NUP37: variants seen among roughly 807,000 people sequenced by gnomAD.
NUP37 encodes nucleoporin Nup37.
NUP37 carries 33 observed loss-of-function variants against 45.4 expected under a neutral mutation model. The observed-to-expected ratio is 0.73, with a 90% CI of 0.55 to 0.97. The LOEUF is 0.97. Among genes scored for constraint, NUP37 ranks in the 50% least tolerant of loss-of-function variants. The pLI, the probability that NUP37 is intolerant of heterozygous loss-of-function variation, is 0.00. For missense variants in NUP37, 365 were observed against 389.7 expected (o/e 0.94, Z 0.53); for synonymous variants, 127 against 130.7 (o/e 0.97, Z 0.19).
intron 5 of NUP37, among the ~76,000 whole-genome samples, chr12:102,094,093 T>C (rs1879735646): frequency 6.6e-6 from 1 of 152,122 alleles, no homozygotes; most frequent in Non-Finnish European, 1.5e-5. Context: ...TAAATGTGTT[T>C]TAGTATAATT....
chr12:102,081,122 G>T (rs1190528991), intron 6 of NUP37, among the ~76,000 whole-genome samples: 1 of 152,170 alleles, frequency 6.6e-6, no homozygotes, highest in Non-Finnish European at 1.5e-5. Context: ...GGGCTAATAA[G>T]AGTATCTACT....
intron 3 of NUP37, among the ~76,000 whole-genome samples, chr12:102,109,506 TCTC>T (rs546135135): frequency 3.3e-4 from 51 of 152,286 alleles, no homozygotes; most frequent in Middle Eastern, 3.4e-3. Context: ...GTGGCATTCT[TCTC>T]CTTATTTTCT....
intron 3 of NUP37, among the ~76,000 whole-genome samples, chr12:102,105,548 C>T (rs552818320): frequency 5.3e-5 from 8 of 150,576 alleles, no homozygotes; most frequent in African/African-American, 1.5e-4. Context: ...ACAAGAATTC[C>T]GTGTCATCTT....
At chr12:102,080,076 C>A (rs1210539351) in intron 6 of NUP37, among the ~76,000 whole-genome samples, 1 of 152,084 alleles carries the variant, frequency 6.6e-6, no homozygotes, top group African/African-American at 2.4e-5. Flanking sequence ...TTAATTCCAA[C>A]AGAAGTCAAA....
At chr12:102,118,105 T>C (rs141971008) in intron 2 of NUP37, among the ~76,000 whole-genome samples, 8 of 152,358 alleles carry the variant, frequency 5.3e-5, no homozygotes, top group South Asian at 2.1e-4. Flanking sequence ...CAGTTAATCA[T>C]AGCCTTCACT....
chr12:102,105,072 GCTGT>G (rs1471810450), intron 3 of NUP37, among the ~76,000 whole-genome samples: 11 of 152,120 alleles, frequency 7.2e-5, no homozygotes, highest in African/African-American at 1.9e-4. Flanking sequence ...ATGAACACAG[GCTGT>G]CTTTCTATTT....
intron 5 of NUP37, among the ~76,000 whole-genome samples, chr12:102,091,688 C>A (rs937854174): frequency 5.3e-5 from 8 of 151,998 alleles, no homozygotes; most frequent in African/African-American, 1.9e-4. Flanking sequence ...TCAAAGGGCA[C>A]TGGGTAAGTA....
chr12:102,100,248 C>CACTGTAAAT (rs1397208922), intron 4 of NUP37, among the ~76,000 whole-genome samples: 4 of 152,098 alleles, frequency 2.6e-5, no homozygotes, highest in Non-Finnish European at 5.9e-5. Flanking sequence ...AAATAGCTTA[C>CACTGTAAAT]AGCATAATTT....
chr12:102,107,411 C>A (rs1362557945), intron 3 of NUP37, among the ~76,000 whole-genome samples: 1 of 152,026 alleles, frequency 6.6e-6, no homozygotes, highest in Non-Finnish European at 1.5e-5. Context: ...ATTCTTCACA[C>A]TTCTTTCACA....
At chr12:102,094,502 G>C (rs558034047) in intron 5 of NUP37, among the ~76,000 whole-genome samples, 2 of 152,012 alleles carry the variant, frequency 1.3e-5, no homozygotes, top group South Asian at 4.2e-4. Flanking sequence ...ATCTCAATTG[G>C]GGTGGGGGTG....
chr12:102,077,056 A>T (rs575272952), intron 7 of NUP37: 1 of 607,514 alleles, frequency 1.6e-6, no homozygotes, highest in African/African-American at 1.8e-5. Flanking sequence ...CAACAGGGTC[A>T]GTGTTTTTCT....
chr12:102,100,252 A>T (rs1301823609), intron 4 of NUP37, among the ~76,000 whole-genome samples: 4 of 152,228 alleles, frequency 2.6e-5, no homozygotes, highest in Non-Finnish European at 5.9e-5. Flanking sequence ...AGCTTACAGC[A>T]TAATTTTTAC....
intron 3 of NUP37, among the ~76,000 whole-genome samples, chr12:102,103,771 C>T (rs1880042600): frequency 6.6e-6 from 1 of 151,936 alleles, no homozygotes; most frequent in East Asian, 1.9e-4. Flanking sequence ...AGACAAAAAC[C>T]ACATCATCTC....
At chr12:102,105,194 G>A (rs913130525) in intron 3 of NUP37, among the ~76,000 whole-genome samples, 7 of 152,264 alleles carry the variant, frequency 4.6e-5, no homozygotes, top group South Asian at 4.2e-4. Flanking sequence ...CACTACATTA[G>A]CATTTATTTT....
chr12:102,077,080 A>C, intron 7 of NUP37: 1 of 610,660 alleles, frequency 1.6e-6, no homozygotes, highest in Non-Finnish European at 2.9e-6. Context: ...TTTCCAATAT[A>C]AGTCAACATT....
chr12:102,116,495 G>A (rs1880466826), intron 2 of NUP37, among the ~76,000 whole-genome samples: 1 of 152,210 alleles, frequency 6.6e-6, no homozygotes, highest in South Asian at 2.1e-4. Flanking sequence ...TCAGGCTAGG[G>A]TCATATTTAG....
intron 3 of NUP37, among the ~76,000 whole-genome samples, chr12:102,105,602 G>A (rs1423004736): frequency 1.3e-5 from 2 of 151,902 alleles, no homozygotes; most frequent in South Asian, 2.1e-4. Flanking sequence ...AGTGGCTCCC[G>A]CCTGTAATCC....
chr12:102,118,266 A>G (rs1594404487), intron 2 of NUP37, 97 bp downstream of exon 2: 1 of 1,209,732 alleles, frequency 8.3e-7, no homozygotes, highest in East Asian at 2.4e-5. Context: ...TTTAACATTC[A>G]AACTCAATAT....
intron 5 of NUP37, among the ~76,000 whole-genome samples, chr12:102,090,637 C>T (rs1313668835): frequency 6.6e-6 from 1 of 152,112 alleles, no homozygotes; most frequent in African/African-American, 2.4e-5. Context: ...GTATGTGTGA[C>T]AGTTTTAAAA....
Sources: allele counts gnomAD v4.1 joint callset (sites outside exome capture counted in the v4.1 genomes callset), GRCh38; gene constraint gnomAD v4.1.1; transcripts MANE v1.5; gene names NCBI Gene and HGNC (gene_info 2026-07-23, HGNC 2026-07-21).